HDGFL3: variants seen among roughly 807,000 people sequenced by gnomAD.
HDGFL3 encodes hepatoma-derived growth factor-related protein 3.
HDGFL3 carries 6 observed loss-of-function variants against 27.6 expected under a neutral mutation model. That is an observed-to-expected ratio of 0.22 (90% CI 0.12 to 0.43). The LOEUF is 0.43. HDGFL3 is among the 20% of genes least tolerant of loss of function. HDGFL3 has a pLI of 1.00. For synonymous variants in HDGFL3, 88 were observed against 88.9 expected, an observed-to-expected ratio of 0.99 and a Z score of 0.05; for missense variants, 207 against 250.1, an observed-to-expected ratio of 0.83 and a Z score of 1.16.
chr15:83,190,331 T>C (rs1255284115), intron 1 of HDGFL3, among the ~76,000 whole-genome samples: 1 of 152,170 alleles, frequency 6.6e-6, no homozygotes, highest in Non-Finnish European at 1.5e-5. Flanking sequence ...CAACTAGGAT[T>C]AGAGATGCTA....
At chr15:83,190,969 C>G (rs1263682149) in intron 1 of HDGFL3, among the ~76,000 whole-genome samples, 1 of 152,120 alleles carries the variant, frequency 6.6e-6, no homozygotes, top group Non-Finnish European at 1.5e-5. Context: ...TGAAAGTTAA[C>G]CCATATGGAT....
At chr15:83,190,288 T>C (rs1174747843) in intron 1 of HDGFL3, among the ~76,000 whole-genome samples, 1 of 151,812 alleles carries the variant, frequency 6.6e-6, no homozygotes, top group Non-Finnish European at 1.5e-5. Context: ...TTCTTGTACA[T>C]ATCTTCTGTT....
chr15:83,169,166 C>A, intron 1 of HDGFL3: 4 of 434,536 alleles, frequency 9.2e-6, no homozygotes, highest in East Asian at 7.6e-5. Flanking sequence ...TCATACCAAA[C>A]AGGCAAAAAC....
In HDGFL3 at chr15:83,131,026, G is replaced by T. The variant is rs1299869849; in HGVS notation, c.*8244C>A. On this transcript the variant is annotated 3_prime_UTR_variant, in exon 6 of 6. Transcript: ENST00000299633. ...GGATCACTTGAACCAGGAGGCAGAG[G>T]TTGCAGTGAGCCGAGACTGTGTCAC... 6.6e-6 allele frequency: 1 copy of T among 152,206 alleles called. No homozygotes were observed. Among genetic ancestry groups the T allele is most frequent in the Non-Finnish European group, 1.5e-5 (1 of 68,104 alleles). 9.4% of individuals were successfully genotyped at this position (152,206 alleles called of 1,614,324 possible). A position where few individuals can be genotyped will look rare whatever the true frequency, so the allele number is the denominator to read the frequency against.
intron 3 of HDGFL3, among the ~76,000 whole-genome samples, chr15:83,117,369 C>T (rs917141111): frequency 6.6e-6 from 1 of 152,028 alleles, no homozygotes; most frequent in African/African-American, 2.4e-5. Context: ...GAGTCACGGG[C>T]CATCGGAGTG....
At chr15:83,113,073 G>A (rs529554970) in exon 4 of HDGFL3, 3 of 622,060 alleles carry the variant, frequency 4.8e-6, no homozygotes, top group South Asian at 3.8e-5. Flanking sequence ...TTGCCTCTCA[G>A]GCAGTGGACT....
chr15:83,183,861 T>G (rs566618335), intron 1 of HDGFL3, among the ~76,000 whole-genome samples: 1 of 152,330 alleles, frequency 6.6e-6, no homozygotes, highest in South Asian at 2.1e-4. Flanking sequence ...AACCTTTATT[T>G]GCAGAACTTT....
intron 1 of HDGFL3, among the ~76,000 whole-genome samples, chr15:83,174,905 C>A (rs1596558851): frequency 6.6e-6 from 1 of 152,264 alleles, no homozygotes; most frequent in East Asian, 1.9e-4. Flanking sequence ...CATTTACAGC[C>A]TGAAGATATG....
chr15:83,145,905 T>A, intron 5 of HDGFL3, among the ~76,000 whole-genome samples: 1 of 88,684 alleles, frequency 1.1e-5, no homozygotes, highest in Non-Finnish European at 2.3e-5. Flanking sequence ...TCCTTTTTTT[T>A]TTTTTTTTTT....
At chr15:83,112,983 G>T in exon 4 of HDGFL3, 1 of 1,172,378 alleles carries the variant, frequency 8.5e-7, no homozygotes. Context: ...CTCCTTGGTT[G>T]TGAATACTCT....
chr15:83,148,808 A>T (rs574347046), intron 5 of HDGFL3, among the ~76,000 whole-genome samples: 1 of 152,104 alleles, frequency 6.6e-6, no homozygotes, highest in African/African-American at 2.4e-5. Flanking sequence ...AGTGAATGTT[A>T]TAAGTTTTTA....
intron 1 of HDGFL3, chr15:83,179,369 T>G (rs1390768387): frequency 6.6e-6 from 1 of 152,136 alleles, no homozygotes; most frequent in African/African-American, 2.4e-5. Context: ...ATAGAGTAAA[T>G]AGGAGGTGAT....
At chr15:83,148,421 A>G (rs1426631093) in intron 5 of HDGFL3, among the ~76,000 whole-genome samples, 1 of 152,104 alleles carries the variant, frequency 6.6e-6, no homozygotes, top group Non-Finnish European at 1.5e-5. Flanking sequence ...GGAGATCGAG[A>G]CCACCCTGGC....
Position 83,136,667 on chromosome 15 carries a change from G to T in HDGFL3, c.*2603C>A. On this transcript the variant is annotated 3_prime_UTR_variant, in exon 6 of 6. Transcript: ENST00000299633. ...AAAAACAAAGGCAGAAGAAAAAGTG[G>T]AATAAAAATATTACTTCATGTTCCT... The T allele has an allele frequency of 1.3e-6, 2 of 1,591,320 alleles. No individual in the cohort carries two copies. Among genetic ancestry groups the T allele is most frequent in the South Asian group, 2.3e-5 (2 of 86,378 alleles).
At chr15:83,175,828 C>T (rs2037302885) in intron 1 of HDGFL3, among the ~76,000 whole-genome samples, 1 of 152,222 alleles carries the variant, frequency 6.6e-6, no homozygotes, top group Non-Finnish European at 1.5e-5. Context: ...CCACTGTACT[C>T]CAGTCTGGGC....
chr15:83,162,600 C>T (rs1312502250), intron 2 of HDGFL3, among the ~76,000 whole-genome samples: 1 of 152,038 alleles, frequency 6.6e-6, no homozygotes, highest in Non-Finnish European at 1.5e-5. Context: ...TTGCATAGTC[C>T]ATAATGTCTA....
chr15:83,147,358 C>T (rs897676363), intron 5 of HDGFL3, among the ~76,000 whole-genome samples: 2 of 152,104 alleles, frequency 1.3e-5, no homozygotes, highest in African/African-American at 4.8e-5. Context: ...CCGCACCTGG[C>T]CCTACCTTCT....
chr15:83,142,259 G>A (rs1464166151), intron 5 of HDGFL3, among the ~76,000 whole-genome samples: 1 of 152,116 alleles, frequency 6.6e-6, no homozygotes, highest in Non-Finnish European at 1.5e-5. Context: ...CAATAGTAAA[G>A]AAATGGAATC....
intron 1 of HDGFL3, among the ~76,000 whole-genome samples, chr15:83,203,265 TG>T (rs2037672605): frequency 1.3e-5 from 2 of 152,178 alleles, no homozygotes; most frequent in East Asian, 1.9e-4. Flanking sequence ...GGGTGGGGTA[TG>T]GGAAGAAAAC....
Sources: allele counts gnomAD v4.1 joint callset (sites outside exome capture counted in the v4.1 genomes callset), GRCh38; gene constraint gnomAD v4.1.1; transcripts MANE v1.5; gene names NCBI Gene and HGNC (gene_info 2026-07-23, HGNC 2026-07-21).